The following TENM4 variants were observed in gnomAD, a reference collection of about 807,000 sequenced individuals.
TENM4 encodes the protein teneurin transmembrane protein 4.
TENM4 carries 82 observed loss-of-function variants against 243.3 expected under a neutral mutation model. The observed-to-expected ratio is 0.34, with a 90% CI of 0.28 to 0.40. The LOEUF is 0.40. TENM4 is among the 10% of genes least tolerant of loss of function. The pLI, the probability that TENM4 is intolerant of heterozygous loss-of-function variation, is 1.00. For missense variants in TENM4, 3,138 were observed against 3,673.3 expected (o/e 0.85, Z 3.77); for synonymous variants, 1,412 against 1,456.3 (o/e 0.97, Z 0.69).
chr11:78,675,740 A>C (rs944341842), intron 30 of TENM4, among the ~76,000 whole-genome samples: 1 of 152,206 alleles, frequency 6.6e-6, no homozygotes, highest in Admixed American at 6.5e-5. Context: ...AAATCATAAC[A>C]ATAACAATAA....
At chr11:78,738,037 A>C (rs1295627274) in intron 20 of TENM4, among the ~76,000 whole-genome samples, 1 of 152,216 alleles carries the variant, frequency 6.6e-6, no homozygotes, top group East Asian at 1.9e-4. Flanking sequence ...TTCTTGGAGG[A>C]ATTCAAAGGT....
intron 4 of TENM4, among the ~76,000 whole-genome samples, chr11:79,100,100 A>G (rs1266771820): frequency 6.6e-6 from 1 of 152,146 alleles, no homozygotes; most frequent in South Asian, 2.1e-4. Context: ...CCCTCCCCTG[A>G]GCACGTTTCC....
chr11:79,231,701 C>T lies in TENM4; in HGVS notation c.-264-15792G>A, dbSNP rs978490626. On this transcript the variant is annotated intron_variant, in intron 2 of 33. Coordinates refer to ENST00000278550, the MANE Select transcript of TENM4 (RefSeq NM_001098816.3). ...GACAATTATAAATCTTCTTCACCTG[C>T]TTACTCATTTGATTCACCCAGCTCT... is the stretch of plus-strand genomic sequence containing the variant. 2.0e-5 allele frequency among the ~76,000 whole-genome samples: 3 copies of T among 152,216 alleles called. No individual in the cohort carries two copies. In the East Asian group the frequency reaches 5.8e-4, roughly 29 times the overall value.
chr11:79,325,392 C>A (rs61883570), intron 1 of TENM4, among the ~76,000 whole-genome samples: 10,036 of 152,210 alleles, frequency 0.066, 390 homozygotes, highest in South Asian at 0.081. Context: ...TTAGAACTCA[C>A]AGCTGTTTGA....
chr11:79,034,915 G>A (rs1859337502), intron 6 of TENM4, among the ~76,000 whole-genome samples: 1 of 152,194 alleles, frequency 6.6e-6, no homozygotes, highest in African/African-American at 2.4e-5. Context: ...TTCACACTGT[G>A]CTCAACAGGA....
Position 78,657,690 on chromosome 11 carries a change from G to A in TENM4, c.*368C>T, listed in dbSNP as rs1320415169. The A allele has an allele frequency of 5.0e-6, 2 of 401,854 alleles. No individual in the cohort carries two copies. The highest frequency in any genetic ancestry group is 7.5e-5 in the Admixed American group (2 of 26,650). The allele number at this position is 401,854 out of a possible 1,614,324, so 24.9% of individuals were successfully genotyped here. Reference sequence around the variant, plus strand: ...GAGACAAGTTAGCACAGACATTCATGTCCCACATCACACTGGGTACCTAGG... The same window carrying A: ...GAGACAAGTTAGCACAGACATTCATATCCCACATCACACTGGGTACCTAGG... On this transcript the variant is annotated 3_prime_UTR_variant, in exon 34 of 34. Coordinates refer to ENST00000278550, the MANE Select transcript of TENM4 (RefSeq NM_001098816.3).
chr11:79,428,529 G>T (rs1474673687), intron 1 of TENM4, among the ~76,000 whole-genome samples: 3 of 152,198 alleles, frequency 2.0e-5, no homozygotes, highest in Non-Finnish European at 4.4e-5. Flanking sequence ...TTGGTGGAGG[G>T]TTGTGCATGA....
chr11:78,815,780 CAACAAAACAA>C (rs751570382), intron 12 of TENM4, among the ~76,000 whole-genome samples: 1 of 152,096 alleles, frequency 6.6e-6, no homozygotes, highest in Non-Finnish European at 1.5e-5. Context: ...TCCTATTTTA[CAACAAAACAA>C]AACAAAACAA....
At chr11:79,368,125 C>A (rs1022890857) in intron 1 of TENM4, among the ~76,000 whole-genome samples, 3 of 152,166 alleles carry the variant, frequency 2.0e-5, no homozygotes, top group African/African-American at 7.2e-5. Context: ...ACTAGGGACT[C>A]CTCCAGGGCA....
intron 16 of TENM4, among the ~76,000 whole-genome samples, chr11:78,783,495 A>C (rs1479269646): frequency 1.3e-5 from 2 of 152,160 alleles, no homozygotes; most frequent in Non-Finnish European, 2.9e-5. Flanking sequence ...TTCTGTGGGC[A>C]GTGGAGGAGG....
intron 4 of TENM4, among the ~76,000 whole-genome samples, chr11:79,123,252 A>T (rs1861781776): frequency 6.6e-6 from 1 of 152,202 alleles, no homozygotes; most frequent in Non-Finnish European, 1.5e-5. Flanking sequence ...CCTGGGCGTT[A>T]TTGAGCTGGA....
intron 6 of TENM4, among the ~76,000 whole-genome samples, chr11:79,026,865 T>C (rs1227672653): frequency 6.6e-6 from 1 of 152,082 alleles, no homozygotes; most frequent in African/African-American, 2.4e-5. Flanking sequence ...ACAAATAAAT[T>C]TCCTGGGATC....
chr11:78,970,291 C>T (rs1394639603), intron 6 of TENM4, among the ~76,000 whole-genome samples: 1 of 152,090 alleles, frequency 6.6e-6, no homozygotes, highest in Non-Finnish European at 1.5e-5. Flanking sequence ...CTCAGCTCAG[C>T]AAAGAGAGGC....
In TENM4 at chr11:79,311,716, C is replaced by T. The variant is rs544877938; in HGVS notation, c.-320-14173G>A. On this transcript the variant is annotated intron_variant, in intron 1 of 33. Coordinates refer to ENST00000278550, the MANE Select transcript of TENM4 (RefSeq NM_001098816.3). ...GTGTGTACATGGTGGCCACCACACA[C>T]GTCTGCTCACCCTTCTCTAGACAGG... Among the ~76,000 whole-genome samples the T allele has an allele frequency of 3.3e-5, 5 of 152,294 alleles. No homozygotes were observed. The East Asian group carries it at 7.7e-4, about 24-fold the overall frequency.
chr11:79,181,012 C>T (rs12290396), intron 3 of TENM4, among the ~76,000 whole-genome samples: 26,934 of 151,756 alleles, frequency 0.18, 3,766 homozygotes, highest in Non-Finnish European at 0.26. Context: ...CTACCAAACA[C>T]GTATGGAAGA....
intron 25 of TENM4, among the ~76,000 whole-genome samples, chr11:78,720,022 G>A (rs892701344): frequency 2.6e-5 from 4 of 152,310 alleles, no homozygotes; most frequent in African/African-American, 9.6e-5. Flanking sequence ...TTCCTATCAT[G>A]ACTATCAAAG....
At chr11:79,225,417 C>A (rs1215488541) in intron 2 of TENM4, among the ~76,000 whole-genome samples, 1 of 152,062 alleles carries the variant, frequency 6.6e-6, no homozygotes, top group Non-Finnish European at 1.5e-5. Flanking sequence ...GTATTATGTC[C>A]TCCTGCTTTT....
chr11:79,359,918 G>GAA (rs1303991185), intron 1 of TENM4, among the ~76,000 whole-genome samples: 1 of 152,056 alleles, frequency 6.6e-6, no homozygotes, highest in African/African-American at 2.4e-5. Flanking sequence ...TGGGCCGGAT[G>GAA]AAAAATGCTT....
chr11:78,666,865 T>C (rs909880000), intron 32 of TENM4, among the ~76,000 whole-genome samples: 1 of 152,158 alleles, frequency 6.6e-6, no homozygotes, highest in Non-Finnish European at 1.5e-5. Context: ...GTCATGTTAG[T>C]GCTATTCTGG....
Sources: gnomAD v4.1 joint callset for allele counts (sites outside exome capture counted in the v4.1 genomes callset) on GRCh38, gnomAD v4.1.1 for gene constraint, MANE v1.5 for transcripts, NCBI Gene and HGNC (gene_info 2026-07-23, HGNC 2026-07-21) for gene names.